The following RAB27A variants were observed in gnomAD, a reference collection of about 807,000 sequenced individuals.
RAB27A encodes RAB27A, member RAS oncogene family, also known as ras-related protein Rab-27A.
A neutral mutation model predicts 20.8 loss-of-function variants in RAB27A; 17 were observed. That is an observed-to-expected ratio of 0.82 (90% CI 0.56 to 1.23). RAB27A has a LOEUF of 1.23. RAB27A is among the 50% of genes most tolerant of loss of function. The pLI is 0.00. For synonymous variants in RAB27A, 85 were observed against 92.8 expected (o/e 0.92, Z 0.48); for missense variants, 277 against 266.7 (o/e 1.04, Z -0.27).
At chr15:55,257,338 T>C (rs923294798) in intron 2 of RAB27A, among the ~76,000 whole-genome samples, 9 of 152,002 alleles carry the variant, frequency 5.9e-5, no homozygotes, top group Non-Finnish European at 1.0e-4. Flanking sequence ...AGAGGCAGAG[T>C]AGCCAACAGT....
chr15:55,255,312 T>A (rs535391515), intron 2 of RAB27A, among the ~76,000 whole-genome samples: 3 of 152,208 alleles, frequency 2.0e-5, no homozygotes, highest in Non-Finnish European at 4.4e-5. Flanking sequence ...TTAATCAATG[T>A]TTATTAATAT....
At chr15:55,287,560 C>A (rs1195470735) in intron 1 of RAB27A, among the ~76,000 whole-genome samples, 1 of 151,958 alleles carries the variant, frequency 6.6e-6, no homozygotes, top group Non-Finnish European at 1.5e-5. Context: ...CCAGCCTGAC[C>A]AACATGGAGA....
rs115979248 is a variant in RAB27A at position 55,310,993 on chromosome 15, G to A, written c.-112+3046C>T. On this transcript the variant is annotated intron_variant, in intron 2 of 5. Coordinates refer to the RAB27A transcript ENST00000563262. Reference sequence around the variant, plus strand: ...TAGTTTTCCTTAGTCCTTCTAATACGCAGGTTAGCAAATGTCTGCGGCACC... The same window carrying A: ...TAGTTTTCCTTAGTCCTTCTAATACACAGGTTAGCAAATGTCTGCGGCACC... Among the ~76,000 whole-genome samples, 1,195 of 152,116 alleles carry A rather than the reference G, an allele frequency of 7.9e-3. 11 individuals are homozygous for A. The highest frequency in any genetic ancestry group is 0.027 in the African/African-American group (1,124 of 41,488).
chr15:55,300,604 G>A (rs186201208), intron 2 of RAB27A, among the ~76,000 whole-genome samples: 4 of 152,286 alleles, frequency 2.6e-5, no homozygotes, highest in African/African-American at 4.8e-5. Context: ...GCTTGAACCC[G>A]GGAGGTGGAG....
In RAB27A at chr15:55,230,500, G is replaced by A. The variant is rs1895989359; in HGVS notation, c.154-14C>T. ...GGCTCTGTACACCTAAAACAGCAAA[G>A]TGAAAGAGAAAACAAAAGAGAACTT... On this transcript the variant is annotated splice_polypyrimidine_tract_variant and intron_variant, in intron 3 of 6. Coordinates refer to ENST00000336787, the MANE Select transcript of RAB27A (RefSeq NM_183235.3). The A allele has an allele frequency of 1.2e-6, 2 of 1,604,776 alleles. No individual in the cohort carries two copies. The highest frequency in any genetic ancestry group is 1.7e-4 in the Middle Eastern group (1 of 6,050).
chr15:55,204,989 T>C lies in RAB27A; in HGVS notation c.*518A>G, dbSNP rs554295278. 5.7e-6 allele frequency: 1 copy of C among 174,052 alleles called. No individual in the cohort carries two copies. The highest frequency in any genetic ancestry group is 1.6e-4 in the East Asian group (1 of 6,250). The allele number at this position is 174,052 out of a possible 1,614,324, so 10.8% of individuals were successfully genotyped here. ...AAATAGAATGCTTACATAAAATTAA[T>C]ACTCAAAGACATTGAGCTGATGTGC... On this transcript the variant is annotated 3_prime_UTR_variant, in exon 7 of 7. Transcript: ENST00000336787.
chr15:55,301,803 A>G (rs2054973406), intron 2 of RAB27A, among the ~76,000 whole-genome samples: 1 of 151,452 alleles, frequency 6.6e-6, no homozygotes, highest in Non-Finnish European at 1.5e-5. Context: ...GTGCCACCAT[A>G]CCTTGCTAAT....
intron 2 of RAB27A, among the ~76,000 whole-genome samples, chr15:55,253,883 C>T (rs780390272): frequency 1.3e-5 from 2 of 152,098 alleles, no homozygotes; most frequent in Non-Finnish European, 2.9e-5. Context: ...GCAGCATAAA[C>T]CATGAAGATG....
chr15:55,221,477 A>AG (rs1221293543), intron 6 of RAB27A, among the ~76,000 whole-genome samples: 1 of 152,098 alleles, frequency 6.6e-6, no homozygotes, highest in Non-Finnish European at 1.5e-5. Flanking sequence ...TCAGGGGAGC[A>AG]GGGGGACATT....
At chr15:55,282,523 C>G (rs1338161659) in intron 1 of RAB27A, among the ~76,000 whole-genome samples, 1 of 152,158 alleles carries the variant, frequency 6.6e-6, no homozygotes, top group Non-Finnish European at 1.5e-5. Context: ...TCTAGTGAAG[C>G]TAGAATCAGG....
At chr15:55,263,687 T>C (rs1897356240) in intron 2 of RAB27A, among the ~76,000 whole-genome samples, 1 of 152,234 alleles carries the variant, frequency 6.6e-6, no homozygotes, top group Non-Finnish European at 1.5e-5. Flanking sequence ...CTCTTCTTAA[T>C]TTTAAAATTA....
intron 2 of RAB27A, among the ~76,000 whole-genome samples, chr15:55,262,342 C>A (rs1252666596): frequency 1.3e-5 from 2 of 151,914 alleles, no homozygotes; most frequent in African/African-American, 2.4e-5. Flanking sequence ...GAGATCCAGA[C>A]CATCCTGGCT....
At chr15:55,222,854 G>A (rs1413088940) in intron 6 of RAB27A, among the ~76,000 whole-genome samples, 4 of 152,048 alleles carry the variant, frequency 2.6e-5, no homozygotes, top group Non-Finnish European at 4.4e-5. Context: ...TGCTATTAAG[G>A]GTTTGAATTT....
At chr15:55,234,759 A>C (rs770011320) in intron 3 of RAB27A, 23 bp downstream of exon 3, 1 of 1,592,870 alleles carries the variant, frequency 6.3e-7, no homozygotes, top group South Asian at 1.1e-5. Flanking sequence ...TTACATTTTT[A>C]CATAGAAGGA....
Position 55,217,890 on chromosome 15 carries a change from T to A in RAB27A, c.467+5999A>T, listed in dbSNP as rs544405703. 9.7e-4 allele frequency among the ~76,000 whole-genome samples: 148 copies of A among 152,190 alleles called. 2 individuals are homozygous for A. Among genetic ancestry groups the A allele is most frequent in the African/African-American group, 3.4e-3 (142 of 41,522 alleles). On this transcript the variant is annotated intron_variant, in intron 6 of 6. Coordinates refer to ENST00000336787, the MANE Select transcript of RAB27A (RefSeq NM_183235.3). ...TTTGGAGTACATGGAGACCATTAAT[T>A]ATAATGCATTTCCAAAAATAGATTA...
intron 1 of RAB27A, among the ~76,000 whole-genome samples, chr15:55,279,066 G>A (rs1897948975): frequency 6.6e-6 from 1 of 152,128 alleles, no homozygotes; most frequent in Admixed American, 6.6e-5. Flanking sequence ...CCAAACTTTG[G>A]GATAGATAAT....
intron 4 of RAB27A, 35 bp from the exon 5 acceptor site, chr15:55,228,747 A>G: frequency 7.0e-7 from 1 of 1,419,780 alleles, no homozygotes; most frequent in South Asian, 1.1e-5. Context: ...CAGTTAAACC[A>G]CGGCCCCACT....
At chr15:55,273,038 A>G (rs77141829) in intron 1 of RAB27A, among the ~76,000 whole-genome samples, 3,912 of 152,308 alleles carry the variant, frequency 0.026, 169 homozygotes, top group African/African-American at 0.091. Context: ...AATAGAAAAT[A>G]ATGAACAAAA....
At chr15:55,254,718 A>G (rs982899137) in intron 2 of RAB27A, among the ~76,000 whole-genome samples, 1 of 152,338 alleles carries the variant, frequency 6.6e-6, no homozygotes, top group South Asian at 2.1e-4. Context: ...TTCTACTATT[A>G]AGAAATTGGA....
Sources: gnomAD v4.1 joint callset for allele counts (sites outside exome capture counted in the v4.1 genomes callset) on GRCh38, gnomAD v4.1.1 for gene constraint, MANE v1.5 for transcripts, NCBI Gene and HGNC (gene_info 2026-07-23, HGNC 2026-07-21) for gene names.